Variants in UBE2V2 observed in about 807,000 individuals in gnomAD.
UBE2V2 encodes ubiquitin conjugating enzyme E2 V2, also known as ubiquitin-conjugating enzyme E2 variant 2.
UBE2V2 carries 9 observed loss-of-function variants against 17.2 expected under a neutral mutation model. The observed-to-expected ratio is 0.52, with a 90% CI of 0.32 to 0.91. UBE2V2 has a LOEUF of 0.91. UBE2V2 is among the 40% of genes least tolerant of loss of function. The pLI is 0.04. For missense variants in UBE2V2, 133 were observed against 182.6 expected (o/e 0.73, Z 1.56); for synonymous variants, 61 against 57.5 (o/e 1.06, Z -0.28).
chr8:48,007,830 C>A (rs187620236), upstream of UBE2V2, among the ~76,000 whole-genome samples: 599 of 151,960 alleles, frequency 3.9e-3, 4 homozygotes, highest in South Asian at 0.025. Flanking sequence ...CTTGGGCTCA[C>A]GTGACCCTCC....
chr8:48,016,184 A>G (rs1166212996), intron 1 of UBE2V2, among the ~76,000 whole-genome samples: 1 of 152,024 alleles, frequency 6.6e-6, no homozygotes, highest in East Asian at 1.9e-4. Flanking sequence ...GGCGTGAGCC[A>G]CCGCGCTCAG....
chr8:48,024,590 C>T (rs965331592), intron 1 of UBE2V2, among the ~76,000 whole-genome samples: 5 of 150,256 alleles, frequency 3.3e-5, no homozygotes, highest in African/African-American at 4.9e-5. Flanking sequence ...AGCTAAACTC[C>T]GTCTCAAAAA....
chr8:48,007,240 G>A (rs1054742530), upstream of UBE2V2, among the ~76,000 whole-genome samples: 4 of 152,050 alleles, frequency 2.6e-5, no homozygotes, highest in Non-Finnish European at 4.4e-5. Flanking sequence ...ATTCAACATA[G>A]TATTGGAAGT....
intron 2 of UBE2V2, among the ~76,000 whole-genome samples, chr8:48,044,771 TCTGA>T (rs1464824053): frequency 6.6e-6 from 1 of 152,140 alleles, no homozygotes; most frequent in Non-Finnish European, 1.5e-5. Context: ...TGATGAACAT[TCTGA>T]CTTACTGATT....
At chr8:48,004,462 T>C (rs370362317), upstream of UBE2V2, among the ~76,000 whole-genome samples, 5 of 152,096 alleles carry the variant, frequency 3.3e-5, no homozygotes, top group African/African-American at 1.2e-4. Context: ...TACAGTGGCT[T>C]GAGAGTAGAT....
At chr8:48,043,216 C>T (rs2091476136) in intron 2 of UBE2V2, 35 bp downstream of exon 2, 1 of 1,375,400 alleles carries the variant, frequency 7.3e-7, no homozygotes, top group East Asian at 2.5e-5. Context: ...TCTATTAATA[C>T]TTATTGTTAA....
At chr8:48,046,765 TTG>T (rs560412645) in intron 2 of UBE2V2, among the ~76,000 whole-genome samples, 10 of 150,316 alleles carry the variant, frequency 6.7e-5, no homozygotes, top group Non-Finnish European at 7.4e-5. Flanking sequence ...CCTGGCTAAT[TTG>T]TGTGTGTGTG....
intron 1 of UBE2V2, among the ~76,000 whole-genome samples, chr8:48,010,649 C>G (rs2091222514): frequency 6.6e-6 from 1 of 150,522 alleles, no homozygotes. Flanking sequence ...GATCCGGCCT[C>G]CCAAATTGCT....
Position 48,060,944 on chromosome 8 carries a change from T to A in UBE2V2, c.*116T>A. On this transcript the variant is annotated 3_prime_UTR_variant, in exon 4 of 4. Transcript: ENST00000523111. The stretch of plus-strand genomic sequence containing the variant: ...GTAAAAGAATTCCAGCTGGTAAACA[T>A]GACCTGGACATTTGTAAGAATATAT... The A allele has an allele frequency of 1.1e-6, 1 of 949,370 alleles. No homozygotes were observed. The highest frequency in any genetic ancestry group is 1.4e-6 in the Non-Finnish European group (1 of 703,700). The allele number at this position is 949,370 out of a possible 1,614,324, so 58.8% of individuals were successfully genotyped here.
At chr8:48,049,086 C>T (rs2091518675) in intron 2 of UBE2V2, among the ~76,000 whole-genome samples, 1 of 151,702 alleles carries the variant, frequency 6.6e-6, no homozygotes, top group Non-Finnish European at 1.5e-5. Context: ...GAAAATAAGC[C>T]CTGGATAATC....
At chr8:47,999,200 G>C in the UBE2V2 span, among the ~76,000 whole-genome samples, 1 of 152,106 alleles carries the variant, frequency 6.6e-6, no homozygotes, top group Non-Finnish European at 1.5e-5. Flanking sequence ...GCATTAGGGG[G>C]AGGGGTGGGC....
intron 3 of UBE2V2, chr8:48,050,202 G>T: frequency 3.3e-6 from 1 of 303,230 alleles, no homozygotes; most frequent in Non-Finnish European, 6.0e-6. Context: ...TACTTGCCTA[G>T]AATAGATGCA....
At chr8:48,048,677 C>T (rs779879462) in intron 2 of UBE2V2, among the ~76,000 whole-genome samples, 1 of 151,662 alleles carries the variant, frequency 6.6e-6, no homozygotes, top group East Asian at 1.9e-4. Flanking sequence ...ATACATATAA[C>T]ATTGTTGCAT....
At chr8:48,001,169 C>G in the UBE2V2 span, among the ~76,000 whole-genome samples, 1 of 152,138 alleles carries the variant, frequency 6.6e-6, no homozygotes, top group African/African-American at 2.4e-5. Context: ...TTAGGGACAG[C>G]CCTTATGCCT....
intron 3 of UBE2V2, among the ~76,000 whole-genome samples, chr8:48,051,189 A>G (rs2091534567): frequency 6.6e-6 from 1 of 152,102 alleles, no homozygotes; most frequent in Admixed American, 6.6e-5. Flanking sequence ...CTTGACCCAC[A>G]CAAGTTAGTT....
At chr8:48,049,761 A>T (rs1193924182) in intron 2 of UBE2V2, 92 bp from the exon 3 acceptor site, 5 of 1,168,846 alleles carry the variant, frequency 4.3e-6, no homozygotes, top group Non-Finnish European at 6.1e-6. Flanking sequence ...ACGTACATTC[A>T]TATTGTACTT....
intron 3 of UBE2V2, among the ~76,000 whole-genome samples, chr8:48,055,859 T>C (rs1334415140): frequency 1.3e-5 from 2 of 151,108 alleles, no homozygotes; most frequent in Non-Finnish European, 3.0e-5. Context: ...CCTGGGTTCA[T>C]GCCATTCTCC....
chr8:48,028,819 T>A (rs919761040), intron 1 of UBE2V2, among the ~76,000 whole-genome samples: 4 of 152,148 alleles, frequency 2.6e-5, no homozygotes, highest in Non-Finnish European at 5.9e-5. Flanking sequence ...CTGTTTGTCT[T>A]TTTATTGTTG....
upstream of UBE2V2, among the ~76,000 whole-genome samples, chr8:48,004,073 T>C (rs113219149): frequency 1.3e-5 from 2 of 152,172 alleles, no homozygotes; most frequent in Non-Finnish European, 1.5e-5. Context: ...TACACCAACA[T>C]GGGATGACAA....
Sources: allele counts gnomAD v4.1 joint callset (sites outside exome capture counted in the v4.1 genomes callset), GRCh38; gene constraint gnomAD v4.1.1; transcripts MANE v1.5; gene names NCBI Gene and HGNC (gene_info 2026-07-23, HGNC 2026-07-21).